Variants in AFF1 observed in about 807,000 individuals in gnomAD.
AFF1 encodes ALF transcription elongation factor 1, also known as AF4/FMR2 family member 1.
In AFF1, 48 loss-of-function variants were observed where a neutral mutation model predicts 121.7. That is an observed-to-expected ratio of 0.39 (90% CI 0.31 to 0.50). AFF1 has a LOEUF of 0.50. Ranked by LOEUF, AFF1 falls within the 20% of genes least tolerant of loss-of-function variation. The pLI is 0.76. For synonymous variants in AFF1, 613 were observed against 563.0 expected (o/e 1.09, Z -1.26); for missense variants, 1,523 against 1,511.7 (o/e 1.01, Z -0.12).
intron 4 of AFF1, among the ~76,000 whole-genome samples, chr4:87,077,886 C>T (rs1722830117): frequency 6.6e-6 from 1 of 152,126 alleles, no homozygotes; most frequent in Non-Finnish European, 1.5e-5. Context: ...AGTCAGTTAC[C>T]TGTAGATACA....
chr4:87,084,306 A>G (rs1723470419), intron 5 of AFF1, 142 bp downstream of exon 5: 2 of 812,716 alleles, frequency 2.5e-6, no homozygotes, highest in South Asian at 1.5e-5. Context: ...TGGGAGGCCA[A>G]GGTGGGCGGA....
chr4:87,090,952 C>T (rs1467968664), intron 6 of AFF1, among the ~76,000 whole-genome samples: 3 of 134,604 alleles, frequency 2.2e-5, no homozygotes, highest in Non-Finnish European at 3.1e-5. Context: ...GAGGTTGAGG[C>T]TGCAGTGAGC....
chr4:86,963,676 G>A (rs1722313079), intron 2 of AFF1, among the ~76,000 whole-genome samples: 1 of 152,058 alleles, frequency 6.6e-6, no homozygotes, highest in African/African-American at 2.4e-5. Flanking sequence ...TGATCTCAGG[G>A]TTAATAATGA....
chr4:86,973,407 C>G (rs1197650473), intron 2 of AFF1, among the ~76,000 whole-genome samples: 1 of 152,198 alleles, frequency 6.6e-6, no homozygotes, highest in Non-Finnish European at 1.5e-5. Context: ...GTAGTTTATG[C>G]TGAATTTTAC....
At position 87,108,321 on chromosome 4, in the gene AFF1, G is replaced by A. The variant is rs200879827; in HGVS notation, c.1533+6G>A. On this transcript the variant is annotated splice_donor_region_variant and intron_variant, in intron 11 of 20. Coordinates refer to ENST00000395146, the MANE Select transcript of AFF1 (RefSeq NM_001166693.3). ...TAGAAACCCCAGCTCCGGAGGTACCGTGTTCCCCCTCGAGATGGCCACCTT... is the reference window on the plus strand; with the variant it reads ...TAGAAACCCCAGCTCCGGAGGTACCATGTTCCCCCTCGAGATGGCCACCTT... 2.9e-5 allele frequency: 47 copies of A among 1,611,654 alleles called. No individual in the cohort carries two copies. The highest frequency in any genetic ancestry group is 5.3e-5 in the African/African-American group (4 of 74,974).
In AFF1 at chr4:87,137,082, T is replaced by A. The variant is rs1729359408; in HGVS notation, c.*1381T>A. ...CCATGTGCCCATAAGCACAGATTTTTCTTTTTCATTGAAACTTTAAAGGTT... is the reference window on the plus strand; with the variant it reads ...CCATGTGCCCATAAGCACAGATTTTACTTTTTCATTGAAACTTTAAAGGTT... On this transcript the variant is annotated 3_prime_UTR_variant, in exon 21 of 21. Transcript: ENST00000395146. The A allele has an allele frequency of 1.8e-5, 4 of 224,834 alleles. No homozygotes were observed. The highest frequency in any genetic ancestry group is 8.9e-5 in the African/African-American group (4 of 44,864). The allele number at this position is 224,834 out of a possible 1,614,324, so 13.9% of individuals were successfully genotyped here. A position where few individuals can be genotyped will look rare whatever the true frequency, so the allele number is the denominator to read the frequency against.
At chr4:87,007,025 T>C (rs1726203354) in intron 2 of AFF1, 1 of 1,152,706 alleles carries the variant, frequency 8.7e-7, no homozygotes. Flanking sequence ...GCCCGCGTTG[T>C]GCTGTTGCTG....
intron 2 of AFF1, among the ~76,000 whole-genome samples, chr4:87,018,099 TCA>T (rs1259015264): frequency 6.6e-6 from 1 of 152,246 alleles, no homozygotes; most frequent in Non-Finnish European, 1.5e-5. Context: ...AAGAATTATA[TCA>T]GTATCAACAG....
chr4:86,949,181 T>TATA (rs1491364650), intron 2 of AFF1, among the ~76,000 whole-genome samples: 1 of 52,072 alleles, frequency 1.9e-5, no homozygotes, highest in Admixed American at 1.9e-4. Context: ...TATATATATA[T>TATA]TTTTTTTTTT....
intron 16 of AFF1, among the ~76,000 whole-genome samples, chr4:87,130,199 C>T (rs1468065712): frequency 2.6e-5 from 4 of 152,054 alleles, no homozygotes; most frequent in African/African-American, 9.7e-5. Flanking sequence ...TCTCAAAATC[C>T]TGACCTCAAG....
chr4:87,084,825 C>T (rs1723557478), intron 5 of AFF1, among the ~76,000 whole-genome samples: 3 of 152,090 alleles, frequency 2.0e-5, no homozygotes, highest in Admixed American at 6.5e-5. Flanking sequence ...TCCATAAAGG[C>T]CCAGGAGAGT....
Position 86,976,754 on chromosome 4 carries a change from A to G in AFF1, c.38+28183A>G, listed in dbSNP as rs1486767318. On this transcript the variant is annotated intron_variant, in intron 2 of 20. Coordinates refer to ENST00000395146, the MANE Select transcript of AFF1 (RefSeq NM_001166693.3). ...AACTTGCATGTGTACCCCTGAACCT[A>G]AAGTAAAAGTTAAGAAAAAGAAATG... is the stretch of plus-strand genomic sequence containing the variant. 3.3e-5 allele frequency among the ~76,000 whole-genome samples: 5 copies of G among 152,266 alleles called. No homozygotes were observed. The South Asian group carries it at 1.0e-3, about 32-fold the overall frequency.
chr4:86,997,821 G>C (rs1725336065), intron 2 of AFF1, among the ~76,000 whole-genome samples: 1 of 143,380 alleles, frequency 7.0e-6, no homozygotes, highest in Non-Finnish European at 1.5e-5. Flanking sequence ...CTAAGAAGCT[G>C]AGTGAGGCTG....
intron 4 of AFF1, among the ~76,000 whole-genome samples, chr4:87,053,035 G>C (rs1175684520): frequency 6.6e-6 from 1 of 152,186 alleles, no homozygotes; most frequent in Non-Finnish European, 1.5e-5. Context: ...TCCAGGTAGA[G>C]ATGACAAGTG....
rs183090320 is a variant in AFF1, at chr4:87,125,058, G to A, written c.2488G>A (p.Asp830Asn). ...KRKGEAERDC[D>N]NKKIRLEKEI... is the part of the protein sequence containing the mutation. ...ATAGGGTGAAGCAGAAAGAGACTGT[G>A]ATAACAAGAAAATCAGACTGGAGAA... is the stretch of plus-strand genomic sequence containing the variant. Residue 830 changes from aspartate (D) to asparagine (N), a missense_variant, in exon 13 of 21, where the codon GAT becomes AAT. By Grantham distance (23) the Asp-to-Asn change is conservative. Coordinates refer to ENST00000395146, the MANE Select transcript of AFF1 (RefSeq NM_001166693.3). 153 of 1,607,066 alleles carry A rather than the reference G, an allele frequency of 9.5e-5. 2 individuals are homozygous for A. In the East Asian group the frequency reaches 3.3e-3, roughly 34 times the overall value.
chr4:86,951,623 C>CTTTTTTTTTTTTTTTT (rs1285365564), intron 2 of AFF1, among the ~76,000 whole-genome samples: 12 of 69,418 alleles, frequency 1.7e-4, no homozygotes, highest in Admixed American at 4.2e-4. Flanking sequence ...TTCTTTTTTT[C>CTTTTTTTTTTTTTTTT]TTTTTTTTTT....
At chr4:87,008,576 C>G (rs369803567) in intron 2 of AFF1, among the ~76,000 whole-genome samples, 3 of 151,266 alleles carry the variant, frequency 2.0e-5, no homozygotes, top group African/African-American at 7.3e-5. Context: ...ATGAGAAACA[C>G]AAGTTGTGTC....
chr4:86,955,039 T>G (rs898084934), intron 2 of AFF1, among the ~76,000 whole-genome samples: 4 of 152,356 alleles, frequency 2.6e-5, no homozygotes, highest in Admixed American at 2.6e-4. Flanking sequence ...AATTATCCTT[T>G]TTGTTCCACC....
intron 2 of AFF1, chr4:86,949,924 G>A (rs1578831009): frequency 1.2e-6 from 2 of 1,613,990 alleles, no homozygotes; most frequent in Admixed American, 3.3e-5. Context: ...TCCGCGTCTT[G>A]GACCCAGCGG....
Sources: gnomAD v4.1 joint callset for allele counts (sites outside exome capture counted in the v4.1 genomes callset) on GRCh38, gnomAD v4.1.1 for gene constraint, MANE v1.5 for transcripts, NCBI Gene and HGNC (gene_info 2026-07-23, HGNC 2026-07-21) for gene names.